Variants in LRP1B observed in about 807,000 individuals in gnomAD.
LRP1B encodes low-density lipoprotein receptor-related protein 1B.
A neutral mutation model predicts 556.6 loss-of-function variants in LRP1B; 217 were observed. That is an observed-to-expected ratio of 0.39 (90% CI 0.35 to 0.44). The LOEUF is 0.44. Among genes scored for constraint, LRP1B ranks in the 20% least tolerant of loss-of-function variants. LRP1B has a pLI of 1.00. For synonymous variants in LRP1B, 2,047 were observed against 1,865.8 expected (o/e 1.10, Z -2.50); for missense variants, 5,053 against 5,620.8 (o/e 0.90, Z 3.23).
chr2:140,470,843 G>A (rs1687739433), intron 60 of LRP1B, among the ~76,000 whole-genome samples: 2 of 152,102 alleles, frequency 1.3e-5, no homozygotes, highest in South Asian at 2.1e-4. Context: ...CTAGTTAGCA[G>A]TAGATCCCAT....
intron 66 of LRP1B, among the ~76,000 whole-genome samples, chr2:140,433,838 C>CT (rs1421358186): frequency 5.6e-4 from 82 of 145,448 alleles, no homozygotes; most frequent in African/African-American, 1.9e-3. Context: ...TTTTTTTCTT[C>CT]TTTTTTTTTC....
chr2:141,056,479 A>T (rs895910101), intron 9 of LRP1B, among the ~76,000 whole-genome samples: 5 of 151,672 alleles, frequency 3.3e-5, no homozygotes, highest in Non-Finnish European at 5.9e-5. Context: ...ATTTTCTACA[A>T]TTCTTTTCCT....
intron 66 of LRP1B, among the ~76,000 whole-genome samples, chr2:140,387,527 C>A (rs575982675): frequency 6.6e-6 from 1 of 151,972 alleles, no homozygotes; most frequent in South Asian, 2.1e-4. Flanking sequence ...CCAGCTCCAG[C>A]AACATTTTAT....
intron 2 of LRP1B, among the ~76,000 whole-genome samples, chr2:141,613,025 GGTCTCGATCTCCTGACCTC>G (rs1395109662): frequency 1.3e-5 from 2 of 151,600 alleles, no homozygotes; most frequent in African/African-American, 4.9e-5. Flanking sequence ...TAGCCAGGAT[GGTCTCGATCTCCTGACCTC>G]GTGATCCACC....
intron 8 of LRP1B, among the ~76,000 whole-genome samples, chr2:141,060,473 G>T (rs552955679): frequency 4.0e-5 from 6 of 151,718 alleles, no homozygotes; most frequent in African/African-American, 1.2e-4. Flanking sequence ...TTTTGACTTG[G>T]GTAATACTTT....
intron 79 of LRP1B, among the ~76,000 whole-genome samples, chr2:140,330,604 C>A (rs1487630720): frequency 6.6e-6 from 1 of 151,880 alleles, no homozygotes; most frequent in Non-Finnish European, 1.5e-5. Context: ...ATGTAAAACC[C>A]AAATCTATAA....
chr2:141,666,500 C>G (rs113221399), intron 2 of LRP1B, among the ~76,000 whole-genome samples: 1 of 152,284 alleles, frequency 6.6e-6, no homozygotes, highest in East Asian at 1.9e-4. Context: ...TTCAAGTTTA[C>G]TTTACATACT....
chr2:140,479,516 C>G (rs1688133821), intron 59 of LRP1B, among the ~76,000 whole-genome samples: 1 of 152,100 alleles, frequency 6.6e-6, no homozygotes, highest in Non-Finnish European at 1.5e-5. Flanking sequence ...CAATAGGCCT[C>G]TGTGAATTTG....
chr2:141,019,778 A>G (rs1045745505), intron 12 of LRP1B, 144 bp downstream of exon 12: 2 of 550,502 alleles, frequency 3.6e-6, no homozygotes, highest in Non-Finnish European at 6.1e-6. Flanking sequence ...AAAAACCCTT[A>G]AATGTGTAAC....
chr2:141,422,259 AG>A (rs1384121216), intron 3 of LRP1B, among the ~76,000 whole-genome samples: 4 of 152,216 alleles, frequency 2.6e-5, no homozygotes, highest in African/African-American at 9.6e-5. Context: ...AATCCACCAT[AG>A]TACTAACCTT....
chr2:141,586,502 G>C (rs1161056285), intron 2 of LRP1B, among the ~76,000 whole-genome samples: 2 of 152,128 alleles, frequency 1.3e-5, no homozygotes, highest in Non-Finnish European at 2.9e-5. Context: ...ACAGCAAGAA[G>C]GCAGTTTAAT....
At chr2:141,797,146 CATATATATAT>C (rs6146945) in intron 2 of LRP1B, among the ~76,000 whole-genome samples, 3,290 of 79,036 alleles carry the variant, frequency 0.042, 98 homozygotes, top group South Asian at 0.071. Context: ...TGAAAATAAT[CATATATATAT>C]ATATATATAT....
chr2:140,619,741 G>T (rs574037), intron 41 of LRP1B, among the ~76,000 whole-genome samples: 15 of 151,956 alleles, frequency 9.9e-5, no homozygotes, highest in African/African-American at 3.6e-4. Context: ...TATTATTATG[G>T]CAATGCAGAG....
intron 66 of LRP1B, among the ~76,000 whole-genome samples, chr2:140,409,831 A>C (rs988516384): frequency 3.3e-5 from 5 of 152,120 alleles, no homozygotes; most frequent in African/African-American, 1.2e-4. Flanking sequence ...TACATCATAA[A>C]CCATTCTGAA....
chr2:141,900,714 T>C (rs1280847553), intron 1 of LRP1B, among the ~76,000 whole-genome samples: 2 of 152,086 alleles, frequency 1.3e-5, no homozygotes, highest in Non-Finnish European at 2.9e-5. Context: ...TTATATTTTT[T>C]ACATATAAAT....
intron 70 of LRP1B, 82 bp downstream of exon 70, chr2:140,371,097 C>A: frequency 3.1e-6 from 3 of 972,890 alleles, no homozygotes; most frequent in South Asian, 3.9e-5. Flanking sequence ...AATCAAGATT[C>A]TTTCTCTTTA....
intron 2 of LRP1B, among the ~76,000 whole-genome samples, chr2:141,690,927 A>G (rs2105445569): frequency 6.6e-6 from 1 of 151,824 alleles, no homozygotes; most frequent in Non-Finnish European, 1.5e-5. Context: ...CAGCATCAGG[A>G]CCACATGAGA....
rs775991709 is a variant in LRP1B, at chr2:140,457,632, T to C, written c.9645A>G (p.Pro3215=). 1.5e-5 allele frequency: 24 copies of C among 1,613,282 alleles called. No homozygotes were observed. In the East Asian group the frequency reaches 4.5e-4, roughly 30 times the overall value. Residue 3215 remains proline (P), a synonymous_variant, in exon 61 of 91, where the codon CCA becomes CCG. Transcript: ENST00000389484. The part of the protein sequence containing the change: ...HRHKVPNQDI[P]GVIALTLFED... ...CAAACAATGTTAGTGCAATCACCCC[T>C]GGAATATCTTGATTAGGGACTGTAA... is the stretch of plus-strand genomic sequence containing the variant.
At position 140,289,666 on chromosome 2, in the gene LRP1B, T is replaced by A. The variant is rs1348085341; in HGVS notation, c.12967+8142A>T. On this transcript the variant is annotated intron_variant, in intron 84 of 90. Transcript: ENST00000389484. ...ATCTGTTTGAAAAGTCTAGTTTTACTATTGGGTCAAAATGGTCTTCAACAA... is the reference window on the plus strand; with the variant it reads ...ATCTGTTTGAAAAGTCTAGTTTTACAATTGGGTCAAAATGGTCTTCAACAA... Among the ~76,000 whole-genome samples the A allele has an allele frequency of 6.6e-5, 10 of 151,828 alleles. No homozygotes were observed. The Admixed American group carries it at 6.6e-4, about 10-fold the overall frequency.
Sources: gnomAD v4.1 joint callset for allele counts (sites outside exome capture counted in the v4.1 genomes callset) on GRCh38, gnomAD v4.1.1 for gene constraint, MANE v1.5 for transcripts, NCBI Gene and HGNC (gene_info 2026-07-23, HGNC 2026-07-21) for gene names.